Variants in ELP4 observed in about 807,000 individuals in gnomAD.
ELP4 encodes elongator complex protein 4.
ELP4 carries 51 observed loss-of-function variants against 48.9 expected under a neutral mutation model. The ratio of observed to expected loss-of-function variants is 1.04; its 90% CI spans 0.83 to 1.32. The LOEUF is 1.32. Among genes scored for constraint, ELP4 ranks in the 40% most tolerant of loss-of-function variants. The pLI is 0.00. For missense variants in ELP4, 519 were observed against 514.6 expected (o/e 1.01, Z -0.08); for synonymous variants, 210 against 189.2 (o/e 1.11, Z -0.90).
chr11:31,672,650 G>T (rs932391020), intron 9 of ELP4, among the ~76,000 whole-genome samples: 1 of 152,010 alleles, frequency 6.6e-6, no homozygotes, highest in African/African-American at 2.4e-5. Context: ...AAATTAGCTG[G>T]GTGTGGTGGT....
At chr11:31,612,109 G>C (rs890988986) in intron 5 of ELP4, among the ~76,000 whole-genome samples, 2 of 152,152 alleles carry the variant, frequency 1.3e-5, no homozygotes, top group Non-Finnish European at 2.9e-5. Context: ...GGTGAGTTCA[G>C]GTGGCAAAGA....
At chr11:31,756,011 T>C (rs1051406335) in intron 9 of ELP4, among the ~76,000 whole-genome samples, 2 of 152,154 alleles carry the variant, frequency 1.3e-5, no homozygotes, top group African/African-American at 4.8e-5. Flanking sequence ...CGGGATAAGA[T>C]TTTATTTTGA....
chr11:31,766,691 C>G (rs1006138591), intron 9 of ELP4, among the ~76,000 whole-genome samples: 2 of 151,622 alleles, frequency 1.3e-5, no homozygotes, highest in Non-Finnish European at 2.9e-5. Context: ...CTAGTGTTAC[C>G]TGAAAATAAA....
intron 8 of ELP4, chr11:31,649,604 C>T (rs976919845): frequency 6.6e-6 from 1 of 151,668 alleles, no homozygotes; most frequent in Admixed American, 6.6e-5. Flanking sequence ...CTAGAGTGTA[C>T]TTTGAAATGT....
intron 3 of ELP4, among the ~76,000 whole-genome samples, chr11:31,564,442 C>A (rs1328034657): frequency 6.6e-6 from 1 of 150,936 alleles, no homozygotes; most frequent in Non-Finnish European, 1.5e-5. Flanking sequence ...AGGTTTGTTA[C>A]ATACATATAC....
chr11:31,632,122 C>T, intron 6 of ELP4, 95 bp from the exon 7 acceptor site: 1 of 998,634 alleles, frequency 1.0e-6, no homozygotes. Flanking sequence ...GACATTGTCT[C>T]CCTGATGTTA....
intron 5 of ELP4, among the ~76,000 whole-genome samples, chr11:31,618,957 A>G (rs1944556084): frequency 6.6e-6 from 1 of 152,066 alleles, no homozygotes. Context: ...CAGTCACCAT[A>G]ATAAAAGCAG....
At chr11:31,566,520 G>T (rs541276402) in intron 3 of ELP4, among the ~76,000 whole-genome samples, 2 of 152,154 alleles carry the variant, frequency 1.3e-5, no homozygotes, top group Non-Finnish European at 2.9e-5. Context: ...AAATATTGAA[G>T]AGTTACCAGG....
intron 8 of ELP4, 117 bp from the exon 9 acceptor site, chr11:31,649,973 ATTGCTCCTGGTAGTAAGCTCCAGTT>A (rs1373807324): frequency 4.3e-6 from 2 of 466,790 alleles, no homozygotes; most frequent in Non-Finnish European, 7.7e-6. Flanking sequence ...CATTTGCTTC[ATTGCTCCTGGTAGTAAGCTCCAGTT>A]TTAAAAGGGG....
chr11:31,647,737 G>A lies in ELP4; in HGVS notation c.928-4G>A. 1 of 1,565,496 alleles carries A rather than the reference G, an allele frequency of 6.4e-7. No homozygotes were observed. Among genetic ancestry groups the A allele is most frequent in the Non-Finnish European group, 8.8e-7 (1 of 1,137,186 alleles). ...CGTTACTGTTTTGTTTCCATGTTTT[G>A]CAGAATAAAGCCATTATTGCCCGTG... On this transcript the variant is annotated splice_polypyrimidine_tract_variant and splice_region_variant and intron_variant, in intron 7 of 9. Coordinates refer to ENST00000640961, the MANE Select transcript of ELP4 (RefSeq NM_019040.5).
In ELP4 at chr11:31,789,577, T is replaced by A. The variant is rs774473337; in HGVS notation, c.*6053T>A. 2.1e-3 allele frequency: 1,032 copies of A among 493,766 alleles called. No homozygotes were observed. The highest frequency in any genetic ancestry group is 3.9e-3 in the Admixed American group (107 of 27,548). 30.6% of individuals were successfully genotyped at this position (493,766 alleles called of 1,614,324 possible). A position where few individuals can be genotyped will look rare whatever the true frequency, so the allele number is the denominator to read the frequency against. ...AGCTTGTTGATCATGGTTTTCTTTT[T>A]AAAAAAAAAAAAAACAACTTCATGA... On this transcript the variant is annotated 3_prime_UTR_variant, in exon 10 of 10. Coordinates refer to ENST00000640961, the MANE Select transcript of ELP4 (RefSeq NM_019040.5).
chr11:31,690,439 A>G lies in ELP4; in HGVS notation c.1143+40218A>G, dbSNP rs12805128. 3.3e-5 allele frequency among the ~76,000 whole-genome samples: 5 copies of G among 151,990 alleles called. No individual in the cohort carries two copies. In the South Asian group the frequency reaches 6.2e-4, roughly 19 times the overall value. On this transcript the variant is annotated intron_variant, in intron 9 of 9. Coordinates refer to ENST00000640961, the MANE Select transcript of ELP4 (RefSeq NM_019040.5). ...CTTTTTCCTAAAAAAAAATATATAT[A>G]TTTTATATCTGCAATATTGTGATGG... is the stretch of plus-strand genomic sequence containing the variant.
intron 9 of ELP4, among the ~76,000 whole-genome samples, chr11:31,736,531 G>T (rs1308767686): frequency 2.0e-5 from 3 of 152,138 alleles, no homozygotes; most frequent in Non-Finnish European, 4.4e-5. Flanking sequence ...CCATCAGAGT[G>T]AACAGGCAAC....
chr11:31,593,249 T>C (rs1957616057), intron 3 of ELP4, among the ~76,000 whole-genome samples: 1 of 151,486 alleles, frequency 6.6e-6, no homozygotes, highest in Non-Finnish European at 1.5e-5. Context: ...TTGTTGTTGT[T>C]GTTGTTGTTG....
chr11:31,640,972 C>T (rs1945083203), intron 7 of ELP4, among the ~76,000 whole-genome samples: 1 of 151,912 alleles, frequency 6.6e-6, no homozygotes, highest in South Asian at 2.1e-4. Context: ...GGTGAAAAAG[C>T]TGATCCCTCC....
chr11:31,704,903 TG>T (rs1946598912), intron 9 of ELP4, among the ~76,000 whole-genome samples: 1 of 150,768 alleles, frequency 6.6e-6, no homozygotes, highest in African/African-American at 2.4e-5. Flanking sequence ...CCCAGCTACT[TG>T]GGAGGCTGAA....
At chr11:31,654,895 G>A (rs1383454890) in intron 9 of ELP4, 1 of 151,846 alleles carries the variant, frequency 6.6e-6, no homozygotes, top group Non-Finnish European at 1.5e-5. Context: ...AAATATAAAT[G>A]TCTGGCTTGG....
intron 9 of ELP4, among the ~76,000 whole-genome samples, chr11:31,673,660 C>T (rs187974481): frequency 7.8e-4 from 119 of 152,188 alleles, no homozygotes; most frequent in Non-Finnish European, 1.4e-3. Context: ...TCTCAGTTGC[C>T]ACAATTTTGG....
intron 9 of ELP4, among the ~76,000 whole-genome samples, chr11:31,671,819 G>A (rs1945814027): frequency 6.6e-6 from 1 of 152,188 alleles, no homozygotes; most frequent in Non-Finnish European, 1.5e-5. Context: ...CCAAGTGACT[G>A]TGAAAAGCAC....
Sources: gnomAD v4.1 joint callset for allele counts (sites outside exome capture counted in the v4.1 genomes callset) on GRCh38, gnomAD v4.1.1 for gene constraint, MANE v1.5 for transcripts, NCBI Gene and HGNC (gene_info 2026-07-23, HGNC 2026-07-21) for gene names.